Variants in SPIRE2 observed in about 807,000 individuals in gnomAD.
SPIRE2 encodes the protein protein spire homolog 2.
In SPIRE2, 76 loss-of-function variants were observed where a neutral mutation model predicts 80.7. That is an observed-to-expected ratio of 0.94 (90% confidence interval 0.78 to 1.14). SPIRE2 has a LOEUF of 1.14. Among genes scored for constraint, SPIRE2 ranks in the 50% most tolerant of loss-of-function variants. The pLI, the probability that SPIRE2 is intolerant of heterozygous loss-of-function variation, is 0.00. For synonymous variants in SPIRE2, 535 were observed against 432.6 expected, an observed-to-expected ratio of 1.24 and a Z score of -2.94; for missense variants, 1,196 against 1,015.3, an observed-to-expected ratio of 1.18 and a Z score of -2.42.
intron 1 of SPIRE2, among the ~76,000 whole-genome samples, chr16:89,840,765 A>G (rs2041499051): frequency 6.7e-6 from 1 of 149,586 alleles, no homozygotes; most frequent in Non-Finnish European, 1.5e-5. Context: ...CCTCCCGAGT[A>G]GCTGGGACTA....
intron 13 of SPIRE2, among the ~76,000 whole-genome samples, chr16:89,869,053 A>AAAAACATATATATATAT: frequency 4.2e-5 from 1 of 24,036 alleles, no homozygotes; most frequent in African/African-American, 1.6e-4. Context: ...AAAAAAAAAA[A>AAAAACATATATATATAT]ATATATATAT....
chr16:89,858,212 C>G (rs950811640), intron 7 of SPIRE2, 126 bp from the exon 8 acceptor site: 1 of 1,026,664 alleles, frequency 9.7e-7, no homozygotes, highest in Admixed American at 2.6e-5. Flanking sequence ...AAATGGCTGG[C>G]TAGCCCTCAG....
chr16:89,851,910 C>G (rs1240536982), intron 3 of SPIRE2, among the ~76,000 whole-genome samples: 1 of 152,056 alleles, frequency 6.6e-6, no homozygotes, highest in Non-Finnish European at 1.5e-5. Flanking sequence ...TCCTGGCCAG[C>G]TTCCCGAACC....
At position 89,856,057 on chromosome 16, in the gene SPIRE2, CGCTTCCCCACCGCAGGTCCT is replaced by C. The variant is rs373076513; in HGVS notation, c.979-37_979-18del. On this transcript the variant is annotated intron_variant, in intron 6 of 14. Coordinates refer to ENST00000378247, the MANE Select transcript of SPIRE2 (RefSeq NM_032451.2). ...GGTCCCGCTTCCCCACCGCAGGTCC[CGCTTCCCCACCGCAGGTCCT>C]GCTTCCCCACCGCAGGTCTCGCTTC... 3,339 of 1,590,970 alleles carry C rather than the reference CGCTTCCCCACCGCAGGTCCT, an allele frequency of 2.1e-3. 17 individuals are homozygous for C. Among genetic ancestry groups the C allele is most frequent in the East Asian group, 0.013 (599 of 44,406 alleles).
chr16:89,835,144 A>T (rs972883729), intron 1 of SPIRE2, among the ~76,000 whole-genome samples: 1 of 146,848 alleles, frequency 6.8e-6, no homozygotes, highest in Non-Finnish European at 1.5e-5. Flanking sequence ...ACCTGCCCGC[A>T]CTCACGGTTG....
At chr16:89,837,008 A>C (rs74251568) in intron 1 of SPIRE2, among the ~76,000 whole-genome samples, 9,660 of 151,868 alleles carry the variant, frequency 0.064, 457 homozygotes, top group East Asian at 0.23. Context: ...AAAAGAAAAA[A>C]TCCTGCACCC....
chr16:89,840,490 C>A (rs962894589), intron 1 of SPIRE2, among the ~76,000 whole-genome samples: 1 of 150,988 alleles, frequency 6.6e-6, no homozygotes, highest in South Asian at 2.1e-4. Flanking sequence ...ACCTTGGGAT[C>A]CGCCCGCCTC....
intron 10 of SPIRE2, among the ~76,000 whole-genome samples, chr16:89,861,064 G>A (rs2041740113): frequency 6.6e-6 from 1 of 152,316 alleles, no homozygotes; most frequent in Middle Eastern, 3.4e-3. Flanking sequence ...GTTCAGTGTG[G>A]GGTTAGGGCA....
At position 89,859,427 on chromosome 16, in the gene SPIRE2, A is replaced by T. The variant is rs1356390198; in HGVS notation, c.1462+73A>T. 8 of 954,166 alleles carry T rather than the reference A, an allele frequency of 8.4e-6. No homozygotes were observed. In the African/African-American group the frequency reaches 8.7e-5, roughly 10 times the overall value. 59.1% of individuals were successfully genotyped at this position (954,166 alleles called of 1,614,324 possible). A position where few individuals can be genotyped will look rare whatever the true frequency, so the allele number is the denominator to read the frequency against. On this transcript the variant is annotated intron_variant, in intron 9 of 14. Coordinates refer to ENST00000378247, the MANE Select transcript of SPIRE2 (RefSeq NM_032451.2). ...TCCATCCTGTGGGCACCATCCCTCCACCTCAGCCCACATCTTCCTGAGCAG... is the reference window on the plus strand; with the variant it reads ...TCCATCCTGTGGGCACCATCCCTCCTCCTCAGCCCACATCTTCCTGAGCAG...
intron 12 of SPIRE2, among the ~76,000 whole-genome samples, chr16:89,865,038 G>C (rs1022956307): frequency 3.7e-5 from 5 of 133,570 alleles, no homozygotes; most frequent in African/African-American, 5.6e-5. Context: ...AAGGAGTCTC[G>C]CTCTGGCGCC....
At chr16:89,838,823 C>T (rs139077396) in intron 1 of SPIRE2, among the ~76,000 whole-genome samples, 3 of 152,208 alleles carry the variant, frequency 2.0e-5, no homozygotes, top group Non-Finnish European at 4.4e-5. Flanking sequence ...GCTCCCCTCT[C>T]TTTTCCTCAG....
At chr16:89,829,103 G>A (rs1598213003) in intron 1 of SPIRE2, among the ~76,000 whole-genome samples, 1 of 152,352 alleles carries the variant, frequency 6.6e-6, no homozygotes, top group East Asian at 1.9e-4. Context: ...TCCGGGAGAG[G>A]GACTTGGGCC....
chr16:89,849,420 G>A (rs1567673202), intron 2 of SPIRE2, among the ~76,000 whole-genome samples: 1 of 152,236 alleles, frequency 6.6e-6, no homozygotes, highest in Non-Finnish European at 1.5e-5. Flanking sequence ...GATGTGCAGG[G>A]CCCGGCACAG....
At chr16:89,869,072 A>ATATATATATG (rs67559135) in intron 13 of SPIRE2, among the ~76,000 whole-genome samples, 4,587 of 65,196 alleles carry the variant, frequency 0.07, 643 homozygotes, top group Non-Finnish European at 0.087. Context: ...ATATATATAT[A>ATATATATATG]TATGTTACCC....
At position 89,845,700 on chromosome 16, in the gene SPIRE2, C is replaced by T. The variant is rs1398216327; in HGVS notation, c.288+335C>T. 7 of 659,046 alleles carry T rather than the reference C, an allele frequency of 1.1e-5. No individual in the cohort carries two copies. The African/African-American group carries it at 1.1e-4, about 10-fold the overall frequency. The allele number at this position is 659,046 out of a possible 1,614,324, so 40.8% of individuals were successfully genotyped here. ...CACAGAGCCGGGGTCAGGGAGACGACTTCAGGTGCAAACAGGAAAAATCAG... is the reference window on the plus strand; with the variant it reads ...CACAGAGCCGGGGTCAGGGAGACGATTTCAGGTGCAAACAGGAAAAATCAG... On this transcript the variant is annotated intron_variant, in intron 2 of 14. Transcript: ENST00000378247.
At chr16:89,834,572 A>G (rs1313206450) in intron 1 of SPIRE2, among the ~76,000 whole-genome samples, 1 of 110,272 alleles carries the variant, frequency 9.1e-6, no homozygotes, top group Non-Finnish European at 1.9e-5. Context: ...CCGTCGTAGA[A>G]GGCCCCATAA....
At chr16:89,853,175 C>A (rs1168778286) in intron 3 of SPIRE2, among the ~76,000 whole-genome samples, 1 of 152,192 alleles carries the variant, frequency 6.6e-6, no homozygotes, top group Non-Finnish European at 1.5e-5. Flanking sequence ...AGTGAAAGCT[C>A]TTTCATTCTT....
At chr16:89,854,677 A>G in intron 5 of SPIRE2, 26 bp downstream of exon 5, 1 of 1,601,840 alleles carries the variant, frequency 6.2e-7, no homozygotes, top group East Asian at 2.2e-5. Context: ...GCAGAGGGGC[A>G]GCCTGGATGC....
intron 1 of SPIRE2, among the ~76,000 whole-genome samples, chr16:89,841,579 T>C (rs908504324): frequency 4.4e-4 from 67 of 152,288 alleles, no homozygotes; most frequent in African/African-American, 1.5e-3. Context: ...CCCCATTTAT[T>C]AGGGGTATGG....
Sources: gnomAD v4.1 joint callset for allele counts (sites outside exome capture counted in the v4.1 genomes callset) on GRCh38, gnomAD v4.1.1 for gene constraint, MANE v1.5 for transcripts, NCBI Gene and HGNC (gene_info 2026-07-23, HGNC 2026-07-21) for gene names.